The following ANXA1 variants were observed in gnomAD, a reference collection of about 807,000 sequenced individuals.
ANXA1 encodes annexin A1.
A neutral mutation model predicts 47.9 loss-of-function variants in ANXA1; 39 were observed. The observed-to-expected ratio is 0.81, with a 90% CI of 0.63 to 1.06. ANXA1 has a LOEUF of 1.06. Ranked by LOEUF, ANXA1 falls within the 50% of genes least tolerant of loss-of-function variation. ANXA1 has a pLI of 0.00. For synonymous variants in ANXA1, 146 were observed against 142.5 expected (o/e 1.02, Z -0.17); for missense variants, 446 against 422.7 (o/e 1.06, Z -0.48).
intron 12 of ANXA1, 85 bp downstream of exon 12, chr9:73,169,239 T>C (rs1824284891): frequency 7.2e-7 from 1 of 1,390,596 alleles, no homozygotes; most frequent in African/African-American, 1.4e-5. Flanking sequence ...ACTTATTGTA[T>C]CTATAAATTT....
intron 10 of ANXA1, 81 bp downstream of exon 10, chr9:73,166,273 G>T: frequency 1.0e-6 from 1 of 972,492 alleles, no homozygotes; most frequent in Non-Finnish European, 1.5e-6. Context: ...AAGAACAACA[G>T]CAACAAAACC....
At chr9:73,169,448 G>A (rs1281167309) in intron 12 of ANXA1, among the ~76,000 whole-genome samples, 3 of 152,036 alleles carry the variant, frequency 2.0e-5, no homozygotes, top group Admixed American at 6.6e-5. Flanking sequence ...GATAGACATT[G>A]TGGTTTATTT....
At chr9:73,159,781 A>G (rs1824108061) in intron 4 of ANXA1, 1 of 162,288 alleles carries the variant, frequency 6.2e-6, no homozygotes, top group Non-Finnish European at 1.3e-5. Context: ...ATATAATTCT[A>G]CTTTAAAAAT....
At chr9:73,158,245 A>G (rs2795116) in intron 1 of ANXA1, 40,338 of 347,878 alleles carry the variant, frequency 0.12, 2,909 homozygotes, top group African/African-American at 0.22. Flanking sequence ...CTGTGTGCTT[A>G]CTTGTAGTAG....
intron 6 of ANXA1, among the ~76,000 whole-genome samples, 182 bp from the exon 7 acceptor site, chr9:73,162,600 T>A (rs975991291): frequency 1.3e-5 from 2 of 152,128 alleles, no homozygotes; most frequent in African/African-American, 4.8e-5. Context: ...AATTCAATGA[T>A]CCAAAAATTT....
chr9:73,170,282 CA>C lies in ANXA1; in HGVS notation c.*176del, dbSNP rs1362715468. Reference sequence around the variant, plus strand: ...TAACTCTGTATAATAGAGATAAGTCCATTTTTTAAAAATGTTTTCCCCAAAC... The same window carrying C: ...TAACTCTGTATAATAGAGATAAGTCCTTTTTTAAAAATGTTTTCCCCAAAC... On this transcript the variant is annotated 3_prime_UTR_variant, in exon 13 of 13. Transcript: ENST00000257497. The C allele has an allele frequency of 4.7e-6, 2 of 428,750 alleles. No homozygotes were observed. The highest frequency in any genetic ancestry group is 1.8e-4 in the South Asian group (2 of 10,890). 26.6% of individuals were successfully genotyped at this position (428,750 alleles called of 1,614,324 possible).
chr9:73,163,678 T>G, intron 8 of ANXA1, 146 bp downstream of exon 8: 1 of 724,356 alleles, frequency 1.4e-6, no homozygotes. Flanking sequence ...GGCATGTCTT[T>G]CTGTAGCCCC....
In ANXA1 at chr9:73,153,121, G is replaced by C. The variant is rs111839168; in HGVS notation, c.-15+1197G>C. Among the ~76,000 whole-genome samples, 319 of 152,224 alleles carry C rather than the reference G, an allele frequency of 2.1e-3. 1 individual carries two copies. Among genetic ancestry groups the C allele is most frequent in the African/African-American group, 7.3e-3 (304 of 41,530 alleles). ...CCCCAAAAGTGACAGTAACACCCTA[G>C]CTCCAGGCTCAACCACATCCAGCAC... On this transcript the variant is annotated intron_variant, in intron 1 of 12. Transcript: ENST00000257497.
chr9:73,168,917 C>T (rs1179132742), intron 11 of ANXA1, 115 bp from the exon 12 acceptor site: 25 of 448,106 alleles, frequency 5.6e-5, no homozygotes, highest in African/African-American at 1.2e-4. Context: ...GTGTGTATAG[C>T]TAGTTTCTCT....
chr9:73,156,669 G>A (rs1194639631), intron 1 of ANXA1, among the ~76,000 whole-genome samples: 1 of 151,298 alleles, frequency 6.6e-6, no homozygotes, highest in Non-Finnish European at 1.5e-5. Context: ...GGTGAAAATG[G>A]AAAGAGTTTG....
At chr9:73,154,453 C>A in intron 1 of ANXA1, 1 of 996,670 alleles carries the variant, frequency 1.0e-6, no homozygotes. Flanking sequence ...TTTCTTTCTT[C>A]CCGACAGAGT....
chr9:73,153,646 ATTTGT>A (rs1824004037), intron 1 of ANXA1, among the ~76,000 whole-genome samples: 1 of 152,222 alleles, frequency 6.6e-6, no homozygotes, highest in African/African-American at 2.4e-5. Context: ...GTATACTTCA[ATTTGT>A]ATTTTATATC....
rs527369271 is a variant in ANXA1 at position 73,152,755 on chromosome 9, A to G, written c.-15+831A>G. Among the ~76,000 whole-genome samples the G allele has an allele frequency of 1.1e-4, 16 of 152,332 alleles. No individual in the cohort carries two copies. In the South Asian group the frequency reaches 1.9e-3, roughly 18 times the overall value. On this transcript the variant is annotated intron_variant, in intron 1 of 12. Coordinates refer to ENST00000257497, the MANE Select transcript of ANXA1 (RefSeq NM_000700.3). ...AAACTCCTTAGAAAAGCACAAAGCA[A>G]AACTAAAGAAGAGTATTTACTAGTG... is the stretch of plus-strand genomic sequence containing the variant.
chr9:73,154,437 T>C (rs1824016874), intron 1 of ANXA1: 6 of 1,104,966 alleles, frequency 5.4e-6, no homozygotes, highest in South Asian at 2.6e-5. Context: ...TTTTCTTTTC[T>C]TTTTCTTTCT....
At chr9:73,156,843 A>G (rs1276203807) in intron 1 of ANXA1, among the ~76,000 whole-genome samples, 1 of 151,826 alleles carries the variant, frequency 6.6e-6, no homozygotes, top group Non-Finnish European at 1.5e-5. Context: ...TGGTGTAGAT[A>G]GACAGATCAG....
chr9:73,162,794 A>T lies in ANXA1; in HGVS notation c.488A>T (p.Asp163Val). The T allele has an allele frequency of 6.2e-7, 1 of 1,612,632 alleles. No homozygotes were observed. Among genetic ancestry groups the T allele is most frequent in the African/African-American group, 1.3e-5 (1 of 74,948 alleles). The change falls in exon 7 of 13, where the codon GAT becomes GTT. Residue 163 changes from aspartate (D) to valine (V), a missense_variant. Physicochemically the swap from Asp to Val is radical, Grantham distance 152 (BLOSUM62 -3). Transcript: ENST00000257497. The part of the protein sequence containing the change: ...NRVYREELKR[D>V]LAKDITSDTS... ...TCTTTTTTCTCAGAACTGAAGAGAG[A>T]TCTGGCCAAAGACATAACCTCAGAC...
rs774048455 is a variant in ANXA1 at position 73,162,770 on chromosome 9, C to T, written c.476-12C>T. ...CTGGTTTACTATAAAATCTATTTTTCTTTTTTCTCAGAACTGAAGAGAGAT... is the reference window on the plus strand; with the variant it reads ...CTGGTTTACTATAAAATCTATTTTTTTTTTTTCTCAGAACTGAAGAGAGAT... On this transcript the variant is annotated splice_polypyrimidine_tract_variant and intron_variant, in intron 6 of 12. Transcript: ENST00000257497. 5 of 1,598,208 alleles carry T rather than the reference C, an allele frequency of 3.1e-6. No homozygotes were observed. The highest frequency in any genetic ancestry group is 3.5e-5 in the Admixed American group (2 of 57,848).
At chr9:73,157,228 T>C (rs1824062063) in intron 1 of ANXA1, among the ~76,000 whole-genome samples, 1 of 152,156 alleles carries the variant, frequency 6.6e-6, no homozygotes, top group Non-Finnish European at 1.5e-5. Context: ...CAATGCTGAG[T>C]ACTTTTATAT....
rs752801027 is a variant in ANXA1, at chr9:73,160,916, C to A, written c.475+23C>A. On this transcript the variant is annotated intron_variant, in intron 6 of 12. Coordinates refer to ENST00000257497, the MANE Select transcript of ANXA1 (RefSeq NM_000700.3). The stretch of plus-strand genomic sequence containing the variant: ...AGGGTAAGTTGTAATGTCCAACAGT[C>A]CAAACGCCTTATTTGAAAAGGAAAT... The A allele has an allele frequency of 5.5e-6, 8 of 1,455,616 alleles. No homozygotes were observed. In the East Asian group the frequency reaches 9.1e-5, roughly 17 times the overall value. The allele number at this position is 1,455,616 out of a possible 1,614,324, so 90.2% of individuals were successfully genotyped here. A position where few individuals can be genotyped will look rare whatever the true frequency, so the allele number is the denominator to read the frequency against.
Sources: allele counts gnomAD v4.1 joint callset (sites outside exome capture counted in the v4.1 genomes callset), GRCh38; gene constraint gnomAD v4.1.1; transcripts MANE v1.5; gene names NCBI Gene and HGNC (gene_info 2026-07-23, HGNC 2026-07-21).